The following SPAG16 variants were observed in gnomAD, a reference collection of about 807,000 sequenced individuals.
SPAG16 encodes sperm associated antigen 16.
In SPAG16, 86 loss-of-function variants were observed where a neutral mutation model predicts 80.4. The ratio of observed to expected loss-of-function variants is 1.07; its 90% CI spans 0.90 to 1.28. The LOEUF is 1.28. Ranked by LOEUF, SPAG16 falls within the 50% of genes most tolerant of loss-of-function variation. The pLI is 0.00. For synonymous variants in SPAG16, 294 were observed against 265.9 expected (o/e 1.11, Z -1.03); for missense variants, 870 against 765.3 (o/e 1.14, Z -1.61).
chr2:214,222,887 C>A (rs944852691), intron 15 of SPAG16, among the ~76,000 whole-genome samples: 1 of 152,104 alleles, frequency 6.6e-6, no homozygotes, highest in Non-Finnish European at 1.5e-5. Flanking sequence ...TTTTTTAAAA[C>A]TCTACAGATA....
chr2:213,374,963 A>C (rs1193152783), intron 8 of SPAG16, 47 bp from the exon 9 acceptor site: 1 of 1,360,734 alleles, frequency 7.3e-7, no homozygotes, highest in Non-Finnish European at 1.0e-6. Context: ...ATCATTTTAT[A>C]CCGATAAACA....
chr2:213,746,162 C>A (rs2556306), intron 10 of SPAG16, among the ~76,000 whole-genome samples: 140,818 of 152,268 alleles, frequency 0.92, 66,155 homozygotes, highest in East Asian at 1. Context: ...TACTTGAAAC[C>A]AAATATGTAT....
intron 12 of SPAG16, among the ~76,000 whole-genome samples, chr2:213,976,111 T>G (rs1197540402): frequency 4.5e-5 from 5 of 110,936 alleles, no homozygotes; most frequent in African/African-American, 2.3e-4. Context: ...GTGAGGGAGA[T>G]ATATATATAT....
chr2:213,621,673 T>C (rs1034835204), intron 10 of SPAG16, among the ~76,000 whole-genome samples: 2 of 152,176 alleles, frequency 1.3e-5, no homozygotes, highest in Admixed American at 6.5e-5. Flanking sequence ...ATAGGATAGA[T>C]TATACAGAAT....
At chr2:213,648,159 C>T (rs1053619690) in intron 10 of SPAG16, among the ~76,000 whole-genome samples, 3 of 152,014 alleles carry the variant, frequency 2.0e-5, no homozygotes, top group Non-Finnish European at 4.4e-5. Flanking sequence ...TTATATTTTA[C>T]TTTGCAAAGT....
At position 214,024,692 on chromosome 2, in the gene SPAG16, G is replaced by C. The variant is rs377290764; in HGVS notation, c.1527+10615G>C. Among the ~76,000 whole-genome samples the C allele has an allele frequency of 2.6e-5, 4 of 151,544 alleles. No individual in the cohort carries two copies. The East Asian group carries it at 7.7e-4, about 29-fold the overall frequency. ...ATTATATGAATAGAAGGTTGATAGA[G>C]AGCTAAAACCAAAGATTGATGGAAA... On this transcript the variant is annotated intron_variant, in intron 13 of 15. Transcript: ENST00000331683.
intron 13 of SPAG16, among the ~76,000 whole-genome samples, chr2:214,055,920 A>G (rs1463247774): frequency 6.7e-6 from 1 of 150,332 alleles, no homozygotes; most frequent in East Asian, 2.1e-4. Context: ...AAATCAATAA[A>G]TTGGAAAATT....
intron 10 of SPAG16, among the ~76,000 whole-genome samples, chr2:213,804,465 C>T (rs1190462874): frequency 6.6e-6 from 1 of 152,150 alleles, no homozygotes; most frequent in East Asian, 1.9e-4. Flanking sequence ...GGGCAGATCA[C>T]AAGGTCAAGA....
intron 10 of SPAG16, among the ~76,000 whole-genome samples, chr2:213,556,300 AAAAAAAAAAACC>A (rs915198998): frequency 2.2e-5 from 3 of 137,806 alleles, no homozygotes; most frequent in African/African-American, 7.6e-5. Flanking sequence ...AATGGGTCAA[AAAAAAAAAAACC>A]AAAAAAAAAA....
Position 214,189,636 on chromosome 2 carries a change from T to A in SPAG16, c.1720+40370T>A, listed in dbSNP as rs184281262. Among the ~76,000 whole-genome samples the A allele has an allele frequency of 7.9e-3, 1,201 of 152,012 alleles. 10 individuals carry two copies. The highest frequency in any genetic ancestry group is 0.031 in the Middle Eastern group (9 of 294). ...CAAAGCAGCAAATGCTAAACATGAT[T>A]TTTTTTTGTATTGAATGCATAAACA... On this transcript the variant is annotated intron_variant, in intron 15 of 15. Transcript: ENST00000331683.
intron 11 of SPAG16, among the ~76,000 whole-genome samples, chr2:213,866,922 C>T (rs554348766): frequency 6.6e-6 from 1 of 152,086 alleles, no homozygotes; most frequent in Non-Finnish European, 1.5e-5. Flanking sequence ...ATGTGGAAAT[C>T]CTTTAAGTTT....
intron 10 of SPAG16, among the ~76,000 whole-genome samples, chr2:213,580,925 G>T (rs1310262713): frequency 6.6e-6 from 1 of 151,830 alleles, no homozygotes; most frequent in Non-Finnish European, 1.5e-5. Context: ...TTACTATTTA[G>T]AAATTAGACT....
At chr2:213,386,125 T>C (rs1164810393) in intron 9 of SPAG16, among the ~76,000 whole-genome samples, 6 of 152,190 alleles carry the variant, frequency 3.9e-5, no homozygotes, top group Non-Finnish European at 7.3e-5. Flanking sequence ...GTTTATTCAG[T>C]TCAGAATTGT....
rs79648724 is a variant in SPAG16, at chr2:214,372,875, T to C, written c.1721-37265T>C. 0.015 allele frequency among the ~76,000 whole-genome samples: 2,211 copies of C among 152,292 alleles called. 160 individuals carry two copies. The East Asian group carries it at 0.22, about 15-fold the overall frequency. On this transcript the variant is annotated intron_variant, in intron 15 of 15. Coordinates refer to ENST00000331683, the MANE Select transcript of SPAG16 (RefSeq NM_024532.5). ...TGACATTCTGTCACCCAGGCTGCTG[T>C]TTTTAAGATTAGAAATAAAACTTGT... is the stretch of plus-strand genomic sequence containing the variant.
At chr2:214,187,993 G>A (rs2057535262) in intron 15 of SPAG16, among the ~76,000 whole-genome samples, 1 of 152,090 alleles carries the variant, frequency 6.6e-6, no homozygotes, top group Admixed American at 6.6e-5. Context: ...AATGCTGACG[G>A]TTTATTGCAG....
At chr2:213,323,303 T>C (rs1436599750) in intron 5 of SPAG16, among the ~76,000 whole-genome samples, 1 of 151,970 alleles carries the variant, frequency 6.6e-6, no homozygotes, top group Non-Finnish European at 1.5e-5. Context: ...TAGCCGGGCA[T>C]GGTGGTGGGT....
intron 10 of SPAG16, among the ~76,000 whole-genome samples, chr2:213,520,025 G>A (rs1048887962): frequency 7.3e-5 from 11 of 151,198 alleles, no homozygotes; most frequent in Non-Finnish European, 1.0e-4. Context: ...ATGCATGTGC[G>A]TGCACACACA....
chr2:213,784,539 A>G (rs1417816792), intron 10 of SPAG16, among the ~76,000 whole-genome samples: 1 of 151,382 alleles, frequency 6.6e-6, no homozygotes. Context: ...AAACAATACA[A>G]TTTTACTTAC....
chr2:214,249,869 A>G (rs1484502833), intron 15 of SPAG16, among the ~76,000 whole-genome samples: 2 of 152,204 alleles, frequency 1.3e-5, no homozygotes, highest in South Asian at 2.1e-4. Flanking sequence ...GCTATGTTAC[A>G]GTAACAACTA....
Sources: gnomAD v4.1 joint callset for allele counts (sites outside exome capture counted in the v4.1 genomes callset) on GRCh38, gnomAD v4.1.1 for gene constraint, MANE v1.5 for transcripts, NCBI Gene and HGNC (gene_info 2026-07-23, HGNC 2026-07-21) for gene names.